Variants in PRDM15 observed in about 807,000 individuals in gnomAD.
The protein encoded by PRDM15 is PR domain zinc finger protein 15.
PRDM15 carries 64 observed loss-of-function variants against 128.6 expected under a neutral mutation model. The ratio of observed to expected loss-of-function variants is 0.50; its 90% CI spans 0.41 to 0.61. PRDM15 has a LOEUF of 0.61. PRDM15 is among the 20% of genes least tolerant of loss of function. PRDM15 has a pLI of 0.00. For synonymous variants in PRDM15, 615 were observed against 621.8 expected (o/e 0.99, Z 0.16); for missense variants, 1,242 against 1,569.1 (o/e 0.79, Z 3.52).
chr21:41,865,152 G>GGCTCACTCCCCACTCCCCT (rs2063962316), intron 1 of PRDM15, among the ~76,000 whole-genome samples: 1 of 73,680 alleles, frequency 1.4e-5, no homozygotes, highest in Non-Finnish European at 2.7e-5. Flanking sequence ...CCCACTCCCC[G>GGCTCACTCCCCACTCCCCT]GCTCACTCCT....
intron 18 of PRDM15, among the ~76,000 whole-genome samples, chr21:41,818,443 G>A (rs2062129777): frequency 7.7e-6 from 1 of 130,454 alleles, no homozygotes; most frequent in African/African-American, 2.5e-5. Context: ...TCTTGGCGAG[G>A]TGCATGCGCT....
intron 4 of PRDM15, among the ~76,000 whole-genome samples, chr21:41,855,480 T>C (rs1400877098): frequency 2.0e-5 from 3 of 152,172 alleles, no homozygotes; most frequent in Admixed American, 2.0e-4. Flanking sequence ...GGAAGAGAGC[T>C]CTCCCCTCTC....
chr21:41,858,873 G>A (rs1406118696), intron 3 of PRDM15, among the ~76,000 whole-genome samples: 2 of 152,188 alleles, frequency 1.3e-5, no homozygotes, highest in Non-Finnish European at 2.9e-5. Flanking sequence ...GGGCAGTGGG[G>A]AGGCTCCTGG....
At chr21:41,806,738 T>TCACC (rs1490651603) in intron 21 of PRDM15, among the ~76,000 whole-genome samples, 31 of 73,848 alleles carry the variant, frequency 4.2e-4, no homozygotes, top group Non-Finnish European at 8.2e-4. Flanking sequence ...ACCATCACCA[T>TCACC]ACCACCACCA....
chr21:41,844,405 C>T (rs1359281888), intron 6 of PRDM15, among the ~76,000 whole-genome samples: 1 of 149,230 alleles, frequency 6.7e-6, no homozygotes, highest in African/African-American at 2.5e-5. Flanking sequence ...GCCCCTCCCC[C>T]CTCACAGGGA....
intron 5 of PRDM15, among the ~76,000 whole-genome samples, chr21:41,852,518 G>A (rs546430773): frequency 1.8e-3 from 271 of 152,378 alleles, no homozygotes; most frequent in African/African-American, 6.3e-3. Flanking sequence ...GCAAAGCCAC[G>A]AGGGTGGGGC....
rs554876622 is a variant in PRDM15 at position 41,850,844 on chromosome 21, A to G, written c.539-3653T>C. On this transcript the variant is annotated intron_variant, in intron 5 of 23. Coordinates refer to ENST00000398548, the MANE Select transcript of PRDM15 (RefSeq NM_001040424.3). ...GTTACTGCTCCTTCAGTACAAAACC[A>G]AAGTTTTCTCTGTATTTAGAAGACG... Among the ~76,000 whole-genome samples, 4 of 152,362 alleles carry G rather than the reference A, an allele frequency of 2.6e-5. No homozygotes were observed. In the South Asian group the frequency reaches 8.3e-4, roughly 32 times the overall value.
In PRDM15 at chr21:41,804,678, A is replaced by C. The variant is rs1480863013; in HGVS notation, c.2653-64T>G. ...CTGCTGATGCAGGTGGGAACCCAGA[A>C]GCCACACACGCCTTGGGACCACCTC... On this transcript the variant is annotated intron_variant, in intron 21 of 23. Transcript: ENST00000398548. The C allele has an allele frequency of 2.2e-5, 29 of 1,313,646 alleles. 1 individual carries two copies. Among genetic ancestry groups the C allele is most frequent in the Non-Finnish European group, 2.9e-5 (28 of 971,412 alleles). 81.4% of individuals were successfully genotyped at this position (1,313,646 alleles called of 1,614,324 possible).
Position 41,854,496 on chromosome 21 carries a change from G to T in PRDM15, c.538+70C>A. 6.3e-7 allele frequency: 1 copy of T among 1,579,412 alleles called. No homozygotes were observed. Among genetic ancestry groups the T allele is most frequent in the Non-Finnish European group, 8.6e-7 (1 of 1,167,516 alleles). On this transcript the variant is annotated intron_variant, in intron 5 of 23. Coordinates refer to ENST00000398548, the MANE Select transcript of PRDM15 (RefSeq NM_001040424.3). The surrounding 1 kb of genome is among the most constrained non-coding windows in gnomAD (Gnocchi z 4.6). Reference sequence around the variant, plus strand: ...CTCATCAGTGTGGGGTCAGCACAGAGCCAAGGGACCATAACCCCTTCGGCG... The same window carrying T: ...CTCATCAGTGTGGGGTCAGCACAGATCCAAGGGACCATAACCCCTTCGGCG...
rs1283716005 is a variant in PRDM15, at chr21:41,832,318, G to A, written c.1366+3119C>T. The stretch of plus-strand genomic sequence containing the variant: ...CCTTACAGCGCTGTGGCATCAGATT[G>A]CCACAGGCCACACCTTACAGCACTG... On this transcript the variant is annotated intron_variant, in intron 11 of 23. Transcript: ENST00000398548. This position sits in a 1 kb window ranked among gnomAD's most constrained non-coding sequence, Gnocchi z 4.2. Among the ~76,000 whole-genome samples the A allele has an allele frequency of 6.6e-6, 1 of 151,324 alleles. No individual in the cohort carries two copies. The highest frequency in any genetic ancestry group is 1.5e-5 in the Non-Finnish European group (1 of 67,838).
At chr21:41,817,828 T>C (rs571967661) in intron 18 of PRDM15, among the ~76,000 whole-genome samples, 2 of 152,372 alleles carry the variant, frequency 1.3e-5, no homozygotes, top group Admixed American at 1.3e-4. Context: ...GTAAAATAAA[T>C]CTGGCAACTG....
At chr21:41,873,883 A>T (rs190722187) in intron 1 of PRDM15, among the ~76,000 whole-genome samples, 101 of 152,170 alleles carry the variant, frequency 6.6e-4, no homozygotes, top group African/African-American at 2.4e-3. Context: ...CCATCTCTAC[A>T]GAAAACACAA....
In PRDM15 at chr21:41,859,082, C is replaced by T. The variant is rs2063730401; in HGVS notation, c.131+510G>A. On this transcript the variant is annotated intron_variant, in intron 3 of 23. Coordinates refer to ENST00000398548, the MANE Select transcript of PRDM15 (RefSeq NM_001040424.3). This position sits in a 1 kb window ranked among gnomAD's most constrained non-coding sequence, Gnocchi z 5.3. ...CCTCCCCCAGGTGAGGGTGGAACGG[C>T]AGGGCAGCTGCTGCCCACTGAGCCG... 6.3e-7 allele frequency: 1 copy of T among 1,584,526 alleles called. No homozygotes were observed. The highest frequency in any genetic ancestry group is 8.6e-7 in the Non-Finnish European group (1 of 1,166,644).
intron 11 of PRDM15, 119 bp downstream of exon 11, chr21:41,835,318 G>A: frequency 1.2e-6 from 1 of 810,822 alleles, no homozygotes; most frequent in Non-Finnish European, 2.1e-6. Context: ...AATGTTAAAA[G>A]TGAGGCTGTC....
At chr21:41,834,027 G>GGACT (rs2062784830) in intron 11 of PRDM15, among the ~76,000 whole-genome samples, 1 of 152,180 alleles carries the variant, frequency 6.6e-6, no homozygotes, top group Non-Finnish European at 1.5e-5. Context: ...AGTCTTCAGG[G>GGACT]GACTGTGCCC....
At position 41,821,792 on chromosome 21, in the gene PRDM15, G is replaced by T; in HGVS notation, c.1896+111C>A. 1 of 1,347,390 alleles carries T rather than the reference G, an allele frequency of 7.4e-7. No individual in the cohort carries two copies. Among genetic ancestry groups the T allele is most frequent in the Non-Finnish European group, 1.0e-6 (1 of 964,266 alleles). The allele number at this position is 1,347,390 out of a possible 1,614,324, so 83.5% of individuals were successfully genotyped here. On this transcript the variant is annotated intron_variant, in intron 15 of 23. Coordinates refer to ENST00000398548, the MANE Select transcript of PRDM15 (RefSeq NM_001040424.3). This position sits in a 1 kb window ranked among gnomAD's most constrained non-coding sequence, Gnocchi z 5.4. ...CCACTGGCCGGAGCCTTTGGGGAGG[G>T]AGGGCTGCTTCCGAGATGCATGAAG...
chr21:41,804,378 G>T (rs1223104086), intron 22 of PRDM15, among the ~76,000 whole-genome samples, 156 bp downstream of exon 22: 2 of 152,250 alleles, frequency 1.3e-5, no homozygotes, highest in Non-Finnish European at 2.9e-5. Context: ...TGATCTAAGA[G>T]GTTCTGAGGG....
intron 19 of PRDM15, chr21:41,813,854 T>C (rs1357149001): frequency 2.0e-5 from 3 of 151,260 alleles, no homozygotes; most frequent in African/African-American, 7.3e-5. Context: ...TGTTAGTGAT[T>C]GTGCAGGGTG....
Position 41,801,443 on chromosome 21 carries a change from C to A in PRDM15, c.3223G>T (p.Val1075Leu), listed in dbSNP as rs1429038656. Residue 1075 changes from valine (V) to leucine (L), a missense_variant, in exon 24 of 24, where the codon GTG (valine) becomes TTG (leucine). Transcript: ENST00000398548. ...GTCGTCAGGTTGATGAAATGGGCCA[C>A]AGACTGTGGGTTCGAGGCTTCCGGC... Reference protein sequence around the residue: ...PQPEASNPQSVAHFINLTTLV... With the variant: ...PQPEASNPQSLAHFINLTTLV... The A allele has an allele frequency of 6.2e-7, 1 of 1,614,224 alleles. No individual in the cohort carries two copies. The highest frequency in any genetic ancestry group is 1.7e-5 in the Admixed American group (1 of 60,030).
Sources: gnomAD v4.1 joint callset for allele counts (sites outside exome capture counted in the v4.1 genomes callset) on GRCh38, gnomAD v4.1.1 for gene constraint, Gnocchi (gnomAD v3.1) non-coding constraint, MANE v1.5 for transcripts, NCBI Gene and HGNC (gene_info 2026-07-23, HGNC 2026-07-21) for gene names.